The following GALNTL6 variants were observed in gnomAD, a reference collection of about 807,000 sequenced individuals.
GALNTL6 encodes the protein polypeptide N-acetylgalactosaminyltransferase like 6.
In GALNTL6, 46 loss-of-function variants were observed where a neutral mutation model predicts 73.7. The ratio of observed to expected loss-of-function variants is 0.62; its 90% CI spans 0.49 to 0.80. The LOEUF (loss-of-function observed/expected upper bound fraction) is 0.80. GALNTL6 is among the 30% of genes least tolerant of loss of function. GALNTL6 has a pLI of 0.00. For missense variants in GALNTL6, 604 were observed against 755.0 expected (o/e 0.80, Z 2.34); for synonymous variants, 259 against 263.7 (o/e 0.98, Z 0.17).
intron 5 of GALNTL6, among the ~76,000 whole-genome samples, chr4:172,432,127 A>T (rs1173487896): frequency 6.6e-6 from 1 of 152,056 alleles, no homozygotes; most frequent in Admixed American, 6.6e-5. Flanking sequence ...CACATATCAT[A>T]ATAGAATTCT....
chr4:172,140,592 C>T (rs918093166), intron 2 of GALNTL6, among the ~76,000 whole-genome samples: 2 of 152,002 alleles, frequency 1.3e-5, no homozygotes, highest in Non-Finnish European at 2.9e-5. Flanking sequence ...CTCAAGGTCA[C>T]AACTAGTAAA....
At chr4:172,380,496 G>C (rs1241813216) in intron 5 of GALNTL6, 2 of 460,498 alleles carry the variant, frequency 4.3e-6, no homozygotes, top group African/African-American at 4.0e-5. Flanking sequence ...ATCTTGTCAG[G>C]TCCTGAGTTG....
intron 11 of GALNTL6, among the ~76,000 whole-genome samples, chr4:173,020,145 C>T (rs1014391658): frequency 6.6e-6 from 1 of 152,196 alleles, no homozygotes; most frequent in Non-Finnish European, 1.5e-5. Flanking sequence ...AGTCCATTTT[C>T]ACACTTAAGG....
intron 2 of GALNTL6, among the ~76,000 whole-genome samples, chr4:171,907,131 G>T (rs866228881): frequency 0.019 from 2,902 of 151,932 alleles, 79 homozygotes; most frequent in African/African-American, 0.066. Context: ...CATAGTGTTG[G>T]AAGTTCTGGC....
At chr4:172,437,070 G>T (rs1488545796) in intron 5 of GALNTL6, among the ~76,000 whole-genome samples, 1 of 152,024 alleles carries the variant, frequency 6.6e-6, no homozygotes, top group Non-Finnish European at 1.5e-5. Context: ...TCAAGATGTA[G>T]AGCAGTTCAG....
rs112126841 is a variant in GALNTL6 at position 172,861,758 on chromosome 4, G to A, written c.924-21032G>A. Among the ~76,000 whole-genome samples the A allele has an allele frequency of 6.5e-3, 990 of 152,228 alleles. 10 individuals carry two copies. The highest frequency in any genetic ancestry group is 0.018 in the African/African-American group (761 of 41,530). ...TCAGGACATCTCATGGTTTTATAAC[G>A]GGGAGTTCCCCCGTACACACTCTCT... On this transcript the variant is annotated intron_variant, in intron 7 of 12. Transcript: ENST00000506823.
At chr4:172,509,954 A>G (rs1414732815) in intron 5 of GALNTL6, among the ~76,000 whole-genome samples, 1 of 54,148 alleles carries the variant, frequency 1.8e-5, no homozygotes, top group Non-Finnish European at 4.3e-5. Context: ...GAATTTGAGA[A>G]TTGATTTTTC....
At chr4:171,951,856 G>C (rs1337108886) in intron 2 of GALNTL6, among the ~76,000 whole-genome samples, 1 of 151,954 alleles carries the variant, frequency 6.6e-6, no homozygotes, top group East Asian at 1.9e-4. Flanking sequence ...TAAAGCTATA[G>C]CAATAATTTA....
At chr4:172,817,373 G>A (rs1741665402) in intron 7 of GALNTL6, among the ~76,000 whole-genome samples, 1 of 152,000 alleles carries the variant, frequency 6.6e-6, no homozygotes, top group African/African-American at 2.4e-5. Context: ...TGAGGTTTCA[G>A]TGAGCCATGA....
chr4:172,388,691 C>T (rs1451747319), intron 5 of GALNTL6, among the ~76,000 whole-genome samples: 3 of 151,968 alleles, frequency 2.0e-5, no homozygotes, highest in African/African-American at 7.2e-5. Context: ...TCATATTCAT[C>T]TGTTAAAAAA....
intron 7 of GALNTL6, among the ~76,000 whole-genome samples, chr4:172,837,243 A>C (rs1191633678): frequency 2.0e-5 from 3 of 152,232 alleles, no homozygotes; most frequent in African/African-American, 7.2e-5. Flanking sequence ...TTTTCTTTAA[A>C]CATCAAAATA....
chr4:172,332,123 G>T (rs968721305), intron 4 of GALNTL6, among the ~76,000 whole-genome samples: 2 of 152,044 alleles, frequency 1.3e-5, no homozygotes, highest in African/African-American at 2.4e-5. Context: ...AATTAGAGGT[G>T]TTGAGCAATT....
chr4:172,466,369 A>G (rs1416915056), intron 5 of GALNTL6, among the ~76,000 whole-genome samples: 1 of 152,222 alleles, frequency 6.6e-6, no homozygotes, highest in Non-Finnish European at 1.5e-5. Context: ...ATTAGAGGTA[A>G]AGTTTTAATT....
intron 11 of GALNTL6, among the ~76,000 whole-genome samples, chr4:173,013,507 G>C (rs180720520): frequency 1.5e-3 from 234 of 152,014 alleles, no homozygotes; most frequent in African/African-American, 5.4e-3. Context: ...CAAAGGCAAC[G>C]ATATTGCATA....
intron 5 of GALNTL6, among the ~76,000 whole-genome samples, chr4:172,399,514 T>C (rs1036781992): frequency 2.6e-5 from 4 of 152,034 alleles, no homozygotes; most frequent in Non-Finnish European, 5.9e-5. Flanking sequence ...CTGAGTAGTA[T>C]AGATTCATGT....
chr4:172,829,717 C>A (rs1262230201), intron 7 of GALNTL6, among the ~76,000 whole-genome samples: 1 of 152,222 alleles, frequency 6.6e-6, no homozygotes, highest in Admixed American at 6.5e-5. Context: ...TGATGTACTT[C>A]CAACCTTTGC....
chr4:172,414,158 A>C (rs73871715), intron 5 of GALNTL6, among the ~76,000 whole-genome samples: 4,606 of 152,216 alleles, frequency 0.03, 231 homozygotes, highest in African/African-American at 0.1. Context: ...GAAGCACCCA[A>C]ACTAGTAGTC....
At chr4:171,924,022 G>A (rs1227929378) in intron 2 of GALNTL6, among the ~76,000 whole-genome samples, 1 of 151,742 alleles carries the variant, frequency 6.6e-6, no homozygotes, top group East Asian at 1.9e-4. Flanking sequence ...AAAATTATTG[G>A]TTGAAAATAA....
intron 2 of GALNTL6, chr4:172,052,552 G>A (rs752008107): frequency 3.3e-5 from 50 of 1,506,430 alleles, no homozygotes; most frequent in Admixed American, 1.8e-4. Context: ...AAAAGCAAAC[G>A]GCTGCAGTGC....
Sources: gnomAD v4.1 joint callset for allele counts (sites outside exome capture counted in the v4.1 genomes callset) on GRCh38, gnomAD v4.1.1 for gene constraint, MANE v1.5 for transcripts, NCBI Gene and HGNC (gene_info 2026-07-23, HGNC 2026-07-21) for gene names.